TFPT: variants seen among roughly 807,000 people sequenced by gnomAD.
The protein encoded by TFPT is TCF3 fusion partner.
Under a neutral mutation model 28.8 loss-of-function variants are expected in TFPT, and 27 were observed. The observed-to-expected ratio is 0.94, with a 90% CI of 0.69 to 1.29. The LOEUF is 1.29. TFPT is among the 50% of genes most tolerant of loss of function. The pLI, the probability that TFPT is intolerant of heterozygous loss-of-function variation, is 0.00. For synonymous variants in TFPT, 152 were observed against 142.8 expected (o/e 1.06, Z -0.46); for missense variants, 330 against 338.0 (o/e 0.98, Z 0.19).
chr19:54,110,054 C>T lies in TFPT; in HGVS notation c.350G>A (p.Arg117Gln), dbSNP rs761840525. The change falls in exon 3 of 6, where the codon CGG (arginine) becomes CAG (glutamine). Residue 117 changes from arginine (R) to glutamine (Q), a missense_variant. Transcript: ENST00000391759. ...GAGGGGACAGAGAAGGGGTTACCTC[C>T]GTTCCTGCTGCAGCCTCCGAGTTAT... ...QRITRRLQQE[R>Q]RFLMRVLDSY... 5.6e-6 allele frequency: 9 copies of T among 1,614,112 alleles called. No individual in the cohort carries two copies. In the South Asian group the frequency reaches 6.6e-5, roughly 12 times the overall value.
At position 54,115,278 on chromosome 19, in the gene TFPT, C is replaced by G; in HGVS notation, c.-9G>C. ...CTCTGCTCCAATTCCATCTCCGCGA[C>G]CTCCGGAAGCCCCGGGCCTCAGAGC... On this transcript the variant is annotated 5_prime_UTR_variant, in exon 1 of 6. Coordinates refer to ENST00000391759, the MANE Select transcript of TFPT (RefSeq NM_013342.4). The G allele has an allele frequency of 6.2e-7, 1 of 1,614,072 alleles. No individual in the cohort carries two copies. The highest frequency in any genetic ancestry group is 8.5e-7 in the Non-Finnish European group (1 of 1,180,036).
Position 54,114,643 on chromosome 19 carries a change from C to T in TFPT, c.81G>A (p.Ala27=), listed in dbSNP as rs144433588. 4.7e-5 allele frequency: 76 copies of T among 1,614,018 alleles called. No homozygotes were observed. In the African/African-American group the frequency reaches 9.3e-4, roughly 20 times the overall value. Residue 27 remains alanine, a synonymous_variant, in exon 2 of 6, where the codon GCG becomes GCA. Transcript: ENST00000391759. ...TGTGGCCACCAAATAGGGGAGGCAA[C>T]GCCAACTCTGAGCCTGGCGGCGCTG... ...EFSAPPGSEL[A]LPPLFGGHIL... is the part of the protein sequence containing the mutation.
chr19:54,115,310 C>G lies in TFPT; in HGVS notation c.-41G>C. On this transcript the variant is annotated 5_prime_UTR_variant, in exon 1 of 6. Coordinates refer to ENST00000391759, the MANE Select transcript of TFPT (RefSeq NM_013342.4). ...AAGCCCCGGGCCTCAGAGCTTCCGA[C>G]CTCTTCAATCTGTAGGTTAAGCCGT... The G allele has an allele frequency of 6.2e-7, 1 of 1,613,760 alleles. No homozygotes were observed. Among genetic ancestry groups the G allele is most frequent in the Non-Finnish European group, 8.5e-7 (1 of 1,180,014 alleles).
chr19:54,108,183 T>G lies in TFPT; in HGVS notation c.485A>C (p.Glu162Ala). The part of the protein sequence containing the change: ...TPGNAENEPP[E>A]KETLSPPRRT... ...TCTGGGCGGGGACAGTGTCTCTTTC[T>G]CTGGAGGCTCATTCTCCGCATTGCC... The change falls in exon 5 of 6, where the codon GAG becomes GCG. Residue 162 changes from glutamate (E) to alanine (A), a missense_variant. Physicochemically the swap from Glu to Ala is moderately radical, Grantham distance 107. Coordinates refer to ENST00000391759, the MANE Select transcript of TFPT (RefSeq NM_013342.4). 1 of 1,596,692 alleles carries G rather than the reference T, an allele frequency of 6.3e-7. No homozygotes were observed. The highest frequency in any genetic ancestry group is 8.5e-7 in the Non-Finnish European group (1 of 1,169,788).
At chr19:54,109,878 C>CCCTCAGTCCCAGCGCT (rs1600297013) in intron 3 of TFPT, among the ~76,000 whole-genome samples, 173 bp downstream of exon 3, 5 of 150,620 alleles carry the variant, frequency 3.3e-5, no homozygotes, top group African/African-American at 7.3e-5. Flanking sequence ...GCCCTCTCCT[C>CCCTCAGTCCCAGCGCT]CAACACCGAA....
At chr19:54,113,456 G>C (rs1442000153) in intron 2 of TFPT, among the ~76,000 whole-genome samples, 3 of 152,138 alleles carry the variant, frequency 2.0e-5, no homozygotes, top group Non-Finnish European at 4.4e-5. Context: ...CTCCAGAACT[G>C]TCAGACAGGA....
chr19:54,108,630 A>T (rs2073354779), intron 3 of TFPT: 1 of 1,496,824 alleles, frequency 6.7e-7, no homozygotes, highest in Admixed American at 2.2e-5. Context: ...AAACGACATG[A>T]CACCCTCGGC....
intron 3 of TFPT, among the ~76,000 whole-genome samples, chr19:54,109,797 C>CT (rs1196561560): frequency 4.5e-5 from 2 of 44,456 alleles, no homozygotes; most frequent in African/African-American, 8.9e-5. Flanking sequence ...GGAGGATGCC[C>CT]TCCACCCGGC....
At chr19:54,109,939 T>C in intron 3 of TFPT, 112 bp downstream of exon 3, 2 of 863,696 alleles carry the variant, frequency 2.3e-6, no homozygotes, top group South Asian at 3.3e-5. Context: ...ATCTCCGGCT[T>C]CTCCTTGTGG....
chr19:54,114,903 G>A (rs1022654485), intron 1 of TFPT: 1 of 743,330 alleles, frequency 1.3e-6, no homozygotes, highest in Non-Finnish European at 2.1e-6. Context: ...CCCACCCTTC[G>A]CAGCACCCAC....
intron 3 of TFPT, 157 bp from the exon 4 acceptor site, chr19:54,108,552 C>T (rs758149632): frequency 6.2e-7 from 1 of 1,607,880 alleles, no homozygotes; most frequent in Admixed American, 1.7e-5. Flanking sequence ...GGGAGCCATG[C>T]CCTTGACCAG....
intron 1 of TFPT, 32 bp from the exon 2 acceptor site, chr19:54,114,732 G>C: frequency 6.3e-7 from 1 of 1,591,468 alleles, no homozygotes; most frequent in South Asian, 1.1e-5. Context: ...AGGGGCCCTG[G>C]ATCCTGGACC....
chr19:54,108,736 A>G, intron 3 of TFPT: 2 of 852,756 alleles, frequency 2.3e-6, no homozygotes, highest in Non-Finnish European at 3.5e-6. Flanking sequence ...TGTGAGTTAT[A>G]ATTTTTATTG....
At position 54,107,099 on chromosome 19, in the gene TFPT, G is replaced by C. The variant is rs1224909501; in HGVS notation, c.713C>G (p.Pro238Arg). Residue 238 changes from proline to arginine, a missense_variant, in exon 6 of 6, where the codon CCA becomes CGA. By Grantham distance (103) the Pro-to-Arg change is moderately radical. Coordinates refer to ENST00000391759, the MANE Select transcript of TFPT (RefSeq NM_013342.4). Reference protein sequence around the residue: ...ALDSSWVSRGPDKLLPYPTLA... With the variant: ...ALDSSWVSRGRDKLLPYPTLA... ...GGTCGGGTAGGGCAGCAGTTTGTCT[G>C]GACCCCGAGAAACCCAACTGGAATC... 2 of 1,613,814 alleles carry C rather than the reference G, an allele frequency of 1.2e-6. No individual in the cohort carries two copies. Among genetic ancestry groups the C allele is most frequent in the South Asian group, 2.2e-5 (2 of 91,036 alleles).
At chr19:54,111,834 G>C (rs2073464464) in intron 2 of TFPT, among the ~76,000 whole-genome samples, 1 of 151,554 alleles carries the variant, frequency 6.6e-6, no homozygotes, top group Admixed American at 6.6e-5. Context: ...TACAAAATTA[G>C]CCAGGTGTAG....
At chr19:54,110,423 C>T (rs1056642945) in intron 2 of TFPT, among the ~76,000 whole-genome samples, 1 of 152,098 alleles carries the variant, frequency 6.6e-6, no homozygotes. Context: ...GCCTGAACCT[C>T]CCATTAAGTC....
At chr19:54,114,389 G>T in intron 2 of TFPT, 53 bp downstream of exon 2, 1 of 1,568,172 alleles carries the variant, frequency 6.4e-7, no homozygotes. Flanking sequence ...GATTGCGGGG[G>T]GCGGTAGTTT....
chr19:54,112,034 A>G (rs1349379312), intron 2 of TFPT, among the ~76,000 whole-genome samples: 1 of 152,078 alleles, frequency 6.6e-6, no homozygotes, highest in Non-Finnish European at 1.5e-5. Flanking sequence ...TCATGCCTAT[A>G]ATCCCAGCAC....
intron 2 of TFPT, among the ~76,000 whole-genome samples, chr19:54,111,863 C>G (rs1044455274): frequency 2.0e-5 from 3 of 151,824 alleles, no homozygotes; most frequent in Admixed American, 6.6e-5. Context: ...GCCTGTAATC[C>G]CAGCTACTCG....
Sources: gnomAD v4.1 joint callset for allele counts (sites outside exome capture counted in the v4.1 genomes callset) on GRCh38, gnomAD v4.1.1 for gene constraint, MANE v1.5 for transcripts, NCBI Gene and HGNC (gene_info 2026-07-23, HGNC 2026-07-21) for gene names.